The following OTUD4 variants were observed in gnomAD, a reference collection of about 807,000 sequenced individuals.
The protein encoded by OTUD4 is OTU domain-containing protein 4.
OTUD4 carries 24 observed loss-of-function variants against 130.4 expected under a neutral mutation model. The ratio of observed to expected loss-of-function variants is 0.18; its 90% CI spans 0.13 to 0.26. OTUD4 has a LOEUF of 0.26. Among genes scored for constraint, OTUD4 ranks in the 10% least tolerant of loss-of-function variants. OTUD4 has a pLI of 1.00. For synonymous variants in OTUD4, 420 were observed against 472.5 expected, an observed-to-expected ratio of 0.89 and a Z score of 1.44; for missense variants, 1,031 against 1,329.4, an observed-to-expected ratio of 0.78 and a Z score of 3.49.
Position 145,159,643 on chromosome 4 carries a change from T to G in OTUD4, c.497-8A>C. 1 of 1,611,490 alleles carries G rather than the reference T, an allele frequency of 6.2e-7. No individual in the cohort carries two copies. Among genetic ancestry groups the G allele is most frequent in the Non-Finnish European group, 8.5e-7 (1 of 1,178,786 alleles). ...GCAATTCATAAAGGAGAGCTGCAAT[T>G]AATGACAGACAGATTTTCCAACATT... is the stretch of plus-strand genomic sequence containing the variant. On this transcript the variant is annotated splice_polypyrimidine_tract_variant and splice_region_variant and intron_variant, in intron 6 of 20. Coordinates refer to ENST00000447906, the MANE Select transcript of OTUD4 (RefSeq NM_001366057.1).
chr4:145,150,967 T>C, intron 11 of OTUD4, 62 bp from the exon 12 acceptor site: 1 of 948,460 alleles, frequency 1.1e-6, no homozygotes, highest in South Asian at 2.1e-5. Flanking sequence ...TTAAATATTC[T>C]GCATATTTAT....
At chr4:145,142,656 G>T (rs1453219643) in intron 17 of OTUD4, among the ~76,000 whole-genome samples, 1 of 152,200 alleles carries the variant, frequency 6.6e-6, no homozygotes, top group Non-Finnish European at 1.5e-5. Context: ...CAAGGTGCTG[G>T]AATTACAGGC....
chr4:145,139,512 T>C (rs1417780303), intron 20 of OTUD4, among the ~76,000 whole-genome samples: 2 of 152,214 alleles, frequency 1.3e-5, no homozygotes, highest in Admixed American at 1.3e-4. Context: ...TACACGTTAT[T>C]TCCTTTGATC....
intron 7 of OTUD4, among the ~76,000 whole-genome samples, 173 bp from the exon 8 acceptor site, chr4:145,156,169 T>C (rs1200733469): frequency 6.6e-6 from 1 of 152,240 alleles, no homozygotes. Context: ...GGTATATGTA[T>C]GTAAATGTGT....
chr4:145,155,399 TAA>T lies in OTUD4; in HGVS notation c.873+10_873+11del. The T allele has an allele frequency of 6.2e-7, 1 of 1,601,832 alleles. No homozygotes were observed. Among genetic ancestry groups the T allele is most frequent in the Non-Finnish European group, 8.5e-7 (1 of 1,173,252 alleles). The stretch of plus-strand genomic sequence containing the variant: ...AAGTAAAATCTCTTCTTCTTTTACA[TAA>T]GTCACTTACTTGACATTTGTCTCCA... On this transcript the variant is annotated intron_variant, in intron 10 of 20. Transcript: ENST00000447906.
At chr4:145,160,584 G>A (rs949436950) in intron 6 of OTUD4, among the ~76,000 whole-genome samples, 6 of 152,132 alleles carry the variant, frequency 3.9e-5, no homozygotes, top group Non-Finnish European at 7.4e-5. Flanking sequence ...AGACCAAGGC[G>A]GGCAGATCAC....
chr4:145,150,201 G>C (rs943832957), intron 13 of OTUD4, among the ~76,000 whole-genome samples: 1 of 152,156 alleles, frequency 6.6e-6, no homozygotes, highest in Non-Finnish European at 1.5e-5. Context: ...CTGGAATCCA[G>C]TATTTACCAT....
intron 20 of OTUD4, among the ~76,000 whole-genome samples, chr4:145,139,690 A>G (rs1159363335): frequency 2.0e-5 from 3 of 152,222 alleles, no homozygotes; most frequent in Non-Finnish European, 4.4e-5. Context: ...GGGCATTTCC[A>G]CTAGGCTGCC....
rs940901305 is a variant in OTUD4, at chr4:145,137,536, C to T, written c.3239G>A (p.Ser1080Asn). The T allele has an allele frequency of 1.2e-6, 2 of 1,612,930 alleles. No individual in the cohort carries two copies. The highest frequency in any genetic ancestry group is 2.7e-5 in the African/African-American group (2 of 74,720). ...EESWKGQPSRSRDEGYQYHRN... is the reference protein window; with the variant it reads ...EESWKGQPSRNRDEGYQYHRN... ...ATGGTACTGATAACCTTCATCCCGACTTCTGCTTGGCTGTCCTTTCCAGGA... is the reference window on the plus strand; with the variant it reads ...ATGGTACTGATAACCTTCATCCCGATTTCTGCTTGGCTGTCCTTTCCAGGA... Residue 1080 changes from serine (S) to asparagine (N), a missense_variant, in exon 21 of 21, where the codon AGT becomes AAT. By Grantham distance (46) the Ser-to-Asn change is conservative. This residue lies in a region of OTUD4 where 900 missense variants were observed against 1,095.9 expected (regional missense o/e 0.82). Coordinates refer to ENST00000447906, the MANE Select transcript of OTUD4 (RefSeq NM_001366057.1).
At chr4:145,168,413 T>TA (rs11432018) in intron 3 of OTUD4, among the ~76,000 whole-genome samples, 86,393 of 122,816 alleles carry the variant, frequency 0.7, 31,043 homozygotes, top group African/African-American at 0.88. Context: ...AATAAAAAAT[T>TA]AAAAAAAAAA....
chr4:145,179,579 C>G (rs1215070319), intron 1 of OTUD4: 26 of 1,354,138 alleles, frequency 1.9e-5, no homozygotes, highest in Non-Finnish European at 2.5e-5. Flanking sequence ...AACTCATTAC[C>G]TCTTCATCAG....
chr4:145,155,823 G>C lies in OTUD4; in HGVS notation c.690+113C>G, dbSNP rs903073474. 23 of 998,594 alleles carry C rather than the reference G, an allele frequency of 2.3e-5. 2 individuals are homozygous for C. In the Middle Eastern group the frequency reaches 2.2e-3, roughly 94 times the overall value. 61.9% of individuals were successfully genotyped at this position (998,594 alleles called of 1,614,324 possible). Reference sequence around the variant, plus strand: ...AAGCCACCAAATCAATTTCTGAGTAGATGATCCTGACTTGACTGAAATGTA... The same window carrying C: ...AAGCCACCAAATCAATTTCTGAGTACATGATCCTGACTTGACTGAAATGTA... On this transcript the variant is annotated intron_variant, in intron 8 of 20. Coordinates refer to ENST00000447906, the MANE Select transcript of OTUD4 (RefSeq NM_001366057.1).
chr4:145,160,344 T>C (rs1017677253), intron 6 of OTUD4, among the ~76,000 whole-genome samples: 1 of 152,180 alleles, frequency 6.6e-6, no homozygotes, highest in African/African-American at 2.4e-5. Flanking sequence ...CAGCAGCCAC[T>C]GAAAGAAAGA....
intron 7 of OTUD4, among the ~76,000 whole-genome samples, chr4:145,158,095 A>C (rs1215662046): frequency 6.6e-6 from 1 of 152,258 alleles, no homozygotes; most frequent in East Asian, 1.9e-4. Flanking sequence ...TTAAATTTAC[A>C]ATGGCAGACA....
At position 145,160,148 on chromosome 4, in the gene OTUD4, T is replaced by C. The variant is rs528693307; in HGVS notation, c.497-513A>G. On this transcript the variant is annotated intron_variant, in intron 6 of 20. Coordinates refer to ENST00000447906, the MANE Select transcript of OTUD4 (RefSeq NM_001366057.1). ...AAGATTGCTAGAAAGAGGAATATAG[T>C]ATAGTACATACTAGCTGACAAGTCA... 5.9e-5 allele frequency among the ~76,000 whole-genome samples: 9 copies of C among 152,342 alleles called. No individual in the cohort carries two copies. In the South Asian group the frequency reaches 1.4e-3, roughly 25 times the overall value.
At chr4:145,166,846 A>C (rs1751902806) in intron 3 of OTUD4, among the ~76,000 whole-genome samples, 1 of 152,226 alleles carries the variant, frequency 6.6e-6, no homozygotes, top group Non-Finnish European at 1.5e-5. Context: ...TCTCATAAAA[A>C]ATAATTCATG....
chr4:145,155,098 C>T (rs1337850984), intron 10 of OTUD4, among the ~76,000 whole-genome samples: 1 of 152,132 alleles, frequency 6.6e-6, no homozygotes, highest in Non-Finnish European at 1.5e-5. Context: ...CAATTTCAGT[C>T]CATTTTAACA....
At chr4:145,177,288 G>A (rs35856976) in intron 1 of OTUD4, among the ~76,000 whole-genome samples, 3,202 of 152,324 alleles carry the variant, frequency 0.021, 57 homozygotes, top group Middle Eastern at 0.058. Context: ...CAAAAGCAAT[G>A]GTAGGCATAT....
In OTUD4 at chr4:145,143,407, T is replaced by C. The variant is rs1750655779; in HGVS notation, c.1641A>G (p.Pro547=). 1.9e-6 allele frequency: 3 copies of C among 1,611,620 alleles called. No homozygotes were observed. The East Asian group carries it at 6.7e-5, about 36-fold the overall frequency. The change falls in exon 17 of 21, where the codon CCA becomes CCG. Residue 547 remains proline (P), a synonymous_variant. Transcript: ENST00000447906. ...TDDKYATVSS[P]SKSKKLECPS... ...GGCACTCTAACTTCTTTGACTTTGA[T>C]GGTGATGAAACTGTTGCATATTTAT...
Sources: gnomAD v4.1 joint callset for allele counts (sites outside exome capture counted in the v4.1 genomes callset) on GRCh38, gnomAD v4.1.1 for gene constraint, gnomAD v4.1.1 regional missense constraint, MANE v1.5 for transcripts, NCBI Gene and HGNC (gene_info 2026-07-23, HGNC 2026-07-21) for gene names.